The following FMNL2 variants were observed in gnomAD, a reference collection of about 807,000 sequenced individuals.
FMNL2 encodes formin-like protein 2.
Under a neutral mutation model 130.2 loss-of-function variants are expected in FMNL2, and 51 were observed. The ratio of observed to expected loss-of-function variants is 0.39; its 90% CI spans 0.31 to 0.49. FMNL2 has a LOEUF of 0.49. Among genes scored for constraint, FMNL2 ranks in the 20% least tolerant of loss-of-function variants. FMNL2 has a pLI of 0.85. For missense variants in FMNL2, 977 were observed against 1,316.2 expected (o/e 0.74, Z 3.99); for synonymous variants, 465 against 467.1 (o/e 1.00, Z 0.06).
intron 11 of FMNL2, among the ~76,000 whole-genome samples, chr2:152,611,831 T>C (rs369224465): frequency 2.6e-5 from 4 of 152,228 alleles, no homozygotes; most frequent in African/African-American, 7.2e-5. Flanking sequence ...AGCCTTTTAG[T>C]ACGGGAGTCA....
At chr2:152,615,995 A>G (rs1698924281) in intron 12 of FMNL2, among the ~76,000 whole-genome samples, 2 of 152,210 alleles carry the variant, frequency 1.3e-5, no homozygotes, top group Non-Finnish European at 2.9e-5. Context: ...CATCCGCTTA[A>G]AAAGAGAATT....
intron 1 of FMNL2, among the ~76,000 whole-genome samples, chr2:152,456,557 G>A (rs1168269580): frequency 6.6e-6 from 1 of 152,194 alleles, no homozygotes. Flanking sequence ...TGCTTCTGAA[G>A]AATGTGATGT....
intron 8 of FMNL2, among the ~76,000 whole-genome samples, chr2:152,580,646 T>C (rs978997113): frequency 2.0e-5 from 3 of 152,186 alleles, no homozygotes; most frequent in Non-Finnish European, 4.4e-5. Flanking sequence ...CCAGTAAACA[T>C]TTTTCATCTG....
intron 4 of FMNL2, among the ~76,000 whole-genome samples, chr2:152,556,639 G>A (rs1273202793): frequency 1.3e-5 from 2 of 152,136 alleles, no homozygotes; most frequent in Admixed American, 1.3e-4. Flanking sequence ...TTCTTCTGTA[G>A]GTCACTTGCC....
chr2:152,480,492 G>C (rs960935774), intron 1 of FMNL2, among the ~76,000 whole-genome samples: 1 of 150,736 alleles, frequency 6.6e-6, no homozygotes, highest in Non-Finnish European at 1.5e-5. Flanking sequence ...AAAACTAGCA[G>C]GGCGGAGTGG....
At chr2:152,421,990 T>C (rs1024760786) in intron 1 of FMNL2, among the ~76,000 whole-genome samples, 1 of 152,198 alleles carries the variant, frequency 6.6e-6, no homozygotes, top group African/African-American at 2.4e-5. Flanking sequence ...GGTTTATTGA[T>C]GAGGAAACCG....
chr2:152,434,559 G>C (rs1687652247), intron 1 of FMNL2, among the ~76,000 whole-genome samples: 1 of 152,110 alleles, frequency 6.6e-6, no homozygotes, highest in Non-Finnish European at 1.5e-5. Flanking sequence ...TTTCTGTGAA[G>C]TGATTAGTGA....
At chr2:152,604,695 A>G (rs961626095) in intron 9 of FMNL2, among the ~76,000 whole-genome samples, 29 of 152,018 alleles carry the variant, frequency 1.9e-4, no homozygotes, top group African/African-American at 6.5e-4. Flanking sequence ...TTCTGGGTTC[A>G]AGCAATTCTC....
At chr2:152,550,470 A>G (rs1419449334) in intron 4 of FMNL2, among the ~76,000 whole-genome samples, 4 of 152,234 alleles carry the variant, frequency 2.6e-5, no homozygotes, top group African/African-American at 4.8e-5. Context: ...CCTGATGCCT[A>G]CTTTTACAGA....
chr2:152,453,167 A>T (rs1158556345), intron 1 of FMNL2, among the ~76,000 whole-genome samples: 2 of 131,982 alleles, frequency 1.5e-5, no homozygotes, highest in Non-Finnish European at 3.2e-5. Context: ...GCACCAGTAC[A>T]CTCCAGCCAG....
At chr2:152,355,354 T>G (rs10497100) in intron 1 of FMNL2, among the ~76,000 whole-genome samples, 1 of 152,194 alleles carries the variant, frequency 6.6e-6, no homozygotes, top group African/African-American at 2.4e-5. Flanking sequence ...CTTTATTCCA[T>G]TGAAAATAAG....
rs918223617 is a variant in FMNL2 at position 152,390,495 on chromosome 2, A to G, written c.117+54775A>G. The G allele has an allele frequency of 8.4e-6, 13 of 1,543,678 alleles. No individual in the cohort carries two copies. The South Asian group carries it at 1.2e-4, about 15-fold the overall frequency. ...AGACCTGGACAATGAGACTCGCAGC[A>G]TGGTGGAAAAGATGATGTATGACCA... On this transcript the variant is annotated intron_variant, in intron 1 of 25. Coordinates refer to ENST00000288670, the MANE Select transcript of FMNL2 (RefSeq NM_052905.4).
At chr2:152,407,690 A>G (rs931745096) in intron 1 of FMNL2, among the ~76,000 whole-genome samples, 3 of 152,212 alleles carry the variant, frequency 2.0e-5, no homozygotes, top group African/African-American at 2.4e-5. Context: ...TCTGGTGTTC[A>G]TAAACCAATG....
At chr2:152,555,760 C>T (rs542226553) in intron 4 of FMNL2, among the ~76,000 whole-genome samples, 1 of 152,326 alleles carries the variant, frequency 6.6e-6, no homozygotes, top group South Asian at 2.1e-4. Context: ...GGAAGTTATG[C>T]GTTCTGTCAG....
intron 20 of FMNL2, among the ~76,000 whole-genome samples, chr2:152,631,519 AT>A (rs1347247593): frequency 6.6e-6 from 1 of 152,024 alleles, no homozygotes; most frequent in African/African-American, 2.4e-5. Context: ...GCAGGTAATG[AT>A]TACAGCGTGG....
At chr2:152,460,327 T>C (rs1011985952) in intron 1 of FMNL2, among the ~76,000 whole-genome samples, 2 of 152,204 alleles carry the variant, frequency 1.3e-5, no homozygotes, top group Non-Finnish European at 2.9e-5. Context: ...TTAGCAGCCA[T>C]TATATGGTAC....
chr2:152,596,544 T>C (rs1479120419), intron 9 of FMNL2, among the ~76,000 whole-genome samples: 1 of 152,234 alleles, frequency 6.6e-6, no homozygotes, highest in Non-Finnish European at 1.5e-5. Flanking sequence ...GAGCCCTTTT[T>C]ATGCTCTTAA....
intron 15 of FMNL2, among the ~76,000 whole-genome samples, chr2:152,621,943 T>G (rs1004195511): frequency 3.3e-5 from 5 of 152,154 alleles, no homozygotes; most frequent in Admixed American, 1.3e-4. Context: ...GTCTTATCTC[T>G]TCAATGGGCA....
chr2:152,594,507 A>G (rs1228691345), intron 9 of FMNL2, among the ~76,000 whole-genome samples: 1 of 152,178 alleles, frequency 6.6e-6, no homozygotes, highest in Admixed American at 6.5e-5. Flanking sequence ...CCCTTGGCTC[A>G]AGTTTCATTT....
Sources: allele counts gnomAD v4.1 joint callset (sites outside exome capture counted in the v4.1 genomes callset), GRCh38; gene constraint gnomAD v4.1.1; transcripts MANE v1.5; gene names NCBI Gene and HGNC (gene_info 2026-07-23, HGNC 2026-07-21).